Variants in UBE2F observed in about 807,000 individuals in gnomAD.
The protein encoded by UBE2F is ubiquitin conjugating enzyme E2 F (putative), also known as NEDD8-conjugating enzyme UBE2F.
Under a neutral mutation model 29.6 loss-of-function variants are expected in UBE2F, and 5 were observed. The ratio of observed to expected loss-of-function variants is 0.17; its 90% CI spans 0.09 to 0.36. The LOEUF is 0.36. Among genes scored for constraint, UBE2F ranks in the 10% least tolerant of loss-of-function variants. The pLI is 1.00. For missense variants in UBE2F, 141 were observed against 228.5 expected, an observed-to-expected ratio of 0.62 and a Z score of 2.47; for synonymous variants, 66 against 81.8, an observed-to-expected ratio of 0.81 and a Z score of 1.04.
At chr2:238,035,435 A>G in intron 8 of UBE2F, 1 of 182,260 alleles carries the variant, frequency 5.5e-6, no homozygotes, top group Non-Finnish European at 1.1e-5. Context: ...TTGGTGAAGC[A>G]GAGAAAGGAA....
At position 238,042,337 on chromosome 2, in the gene UBE2F, C is replaced by T. The variant is rs546494178; in HGVS notation, c.*999C>T. ...GTCCTGGGAGACAGGAGCGATGCCT[C>T]AGGAATCAGCCCAATGTCTGATGTC... On this transcript the variant is annotated 3_prime_UTR_variant, in exon 10 of 10. Transcript: ENST00000272930. 6.6e-6 allele frequency: 1 copy of T among 152,236 alleles called. No individual in the cohort carries two copies. Among genetic ancestry groups the T allele is most frequent in the Non-Finnish European group, 1.5e-5 (1 of 68,070 alleles). The allele number at this position is 152,236 out of a possible 1,614,324, so 9.4% of individuals were successfully genotyped here.
intron 6 of UBE2F, 152 bp downstream of exon 6, chr2:238,025,564 C>T (rs1036462311): frequency 1.4e-6 from 1 of 699,616 alleles, no homozygotes; most frequent in Non-Finnish European, 2.5e-6. Flanking sequence ...GGTTGCCTGC[C>T]TGCTCCCAAA....
chr2:238,021,396 A>G (rs1007724223), intron 5 of UBE2F, among the ~76,000 whole-genome samples: 1 of 152,230 alleles, frequency 6.6e-6, no homozygotes, highest in African/African-American at 2.4e-5. Context: ...CCATGCAAAA[A>G]TAGAATAATA....
At chr2:238,037,449 T>C (rs2064737894) in intron 9 of UBE2F, among the ~76,000 whole-genome samples, 7 of 152,266 alleles carry the variant, frequency 4.6e-5, no homozygotes, top group Admixed American at 4.6e-4. Flanking sequence ...AGCAGGAGCC[T>C]GCAGAGGCAG....
At chr2:237,983,708 G>A (rs73999337) in intron 2 of UBE2F, among the ~76,000 whole-genome samples, 2,331 of 152,066 alleles carry the variant, frequency 0.015, 69 homozygotes, top group African/African-American at 0.054. Context: ...TCTTCACTTC[G>A]TACTCTGGGT....
intron 1 of UBE2F, among the ~76,000 whole-genome samples, chr2:237,969,977 T>C (rs940539223): frequency 2.6e-5 from 4 of 152,348 alleles, no homozygotes; most frequent in Non-Finnish European, 5.9e-5. Flanking sequence ...TTCACATTTT[T>C]GTCAACTTTA....
At chr2:237,985,278 A>G (rs923422375) in intron 2 of UBE2F, among the ~76,000 whole-genome samples, 3 of 152,252 alleles carry the variant, frequency 2.0e-5, no homozygotes, top group Non-Finnish European at 4.4e-5. Context: ...ATATAAAACA[A>G]TATTATGAAC....
rs573526678 is a variant in UBE2F at position 238,002,479 on chromosome 2, T to C, written c.214+7670T>C. 3.3e-5 allele frequency among the ~76,000 whole-genome samples: 5 copies of C among 150,490 alleles called. No homozygotes were observed. The East Asian group carries it at 1.0e-3, about 30-fold the overall frequency. On this transcript the variant is annotated intron_variant, in intron 4 of 9. Coordinates refer to ENST00000272930, the MANE Select transcript of UBE2F (RefSeq NM_080678.3). ...CTCGACCTCCTGACCTCTGGTGATC[T>C]TCCTGCCTCGGCCTCCCAAAGTGCT...
chr2:238,037,091 A>G (rs2064728867), intron 9 of UBE2F, among the ~76,000 whole-genome samples: 1 of 152,128 alleles, frequency 6.6e-6, no homozygotes, highest in African/African-American at 2.4e-5. Flanking sequence ...ATTATTTTTA[A>G]TCTTCAATTC....
chr2:238,004,296 A>G (rs2063857608), intron 4 of UBE2F, among the ~76,000 whole-genome samples: 1 of 152,196 alleles, frequency 6.6e-6, no homozygotes, highest in South Asian at 2.1e-4. Context: ...TACTCATGGT[A>G]GTGGTTACAT....
At chr2:238,016,886 T>C (rs1182746364) in intron 5 of UBE2F, among the ~76,000 whole-genome samples, 2 of 152,240 alleles carry the variant, frequency 1.3e-5, no homozygotes, top group Admixed American at 6.5e-5. Context: ...TTTCTATAAC[T>C]CTTATCTGTT....
chr2:237,980,987 C>A (rs1012823509), intron 2 of UBE2F, among the ~76,000 whole-genome samples: 7 of 152,100 alleles, frequency 4.6e-5, no homozygotes, highest in African/African-American at 1.7e-4. Flanking sequence ...CAAATGGGTC[C>A]TGTGGTTTGA....
rs370519965 is a variant in UBE2F, at chr2:237,974,501, G to GT, written c.118+1289dup. ...CACTACACCTGGCCAAATTTTTGTGGTTTTTTTTTTTTTGTTTTTTTTTTT... is the reference window on the plus strand; with the variant it reads ...CACTACACCTGGCCAAATTTTTGTGGTTTTTTTTTTTTTTGTTTTTTTTTTT... On this transcript the variant is annotated intron_variant, in intron 2 of 9. Coordinates refer to ENST00000272930, the MANE Select transcript of UBE2F (RefSeq NM_080678.3). Among the ~76,000 whole-genome samples the GT allele has an allele frequency of 5.6e-4, 61 of 108,592 alleles. 1 individual carries two copies. The highest frequency in any genetic ancestry group is 6.9e-3 in the Middle Eastern group (1 of 144). The allele number at this position is 108,592 out of a possible 152,430, so 71.2% of individuals were successfully genotyped here.
intron 6 of UBE2F, among the ~76,000 whole-genome samples, chr2:238,026,501 T>G (rs183732412): frequency 2.6e-4 from 40 of 152,300 alleles, no homozygotes; most frequent in Non-Finnish European, 4.3e-4. Flanking sequence ...TGGCGCGATC[T>G]GAGCTCACTG....
intron 1 of UBE2F, among the ~76,000 whole-genome samples, chr2:237,972,866 T>G (rs2063204820): frequency 6.6e-6 from 1 of 152,210 alleles, no homozygotes; most frequent in African/African-American, 2.4e-5. Context: ...ACTCTCTTTT[T>G]TAAAAAATGT....
intron 2 of UBE2F, among the ~76,000 whole-genome samples, chr2:237,980,216 G>A (rs1210011828): frequency 6.6e-6 from 1 of 152,356 alleles, no homozygotes; most frequent in East Asian, 1.9e-4. Flanking sequence ...GTCTGATGGG[G>A]CTTGGAGCTG....
chr2:238,003,317 C>T (rs181910110), intron 4 of UBE2F: 1 of 469,920 alleles, frequency 2.1e-6, no homozygotes, highest in Non-Finnish European at 4.4e-6. Flanking sequence ...AAAGCATTCT[C>T]TTAACTTTCA....
intron 5 of UBE2F, among the ~76,000 whole-genome samples, chr2:238,020,798 G>T (rs985082423): frequency 3.9e-5 from 6 of 152,196 alleles, no homozygotes; most frequent in Admixed American, 3.3e-4. Context: ...GTGACATTTA[G>T]TGGGCTCCTA....
intron 4 of UBE2F, among the ~76,000 whole-genome samples, chr2:237,996,568 C>T (rs556154771): frequency 2.6e-5 from 4 of 151,872 alleles, no homozygotes; most frequent in African/African-American, 4.8e-5. Context: ...CTTCGCCTTC[C>T]GGGTTCAAGT....
Sources: allele counts gnomAD v4.1 joint callset (sites outside exome capture counted in the v4.1 genomes callset), GRCh38; gene constraint gnomAD v4.1.1; transcripts MANE v1.5; gene names NCBI Gene and HGNC (gene_info 2026-07-23, HGNC 2026-07-21).